BBOX1: variants seen among roughly 807,000 people sequenced by gnomAD.
The protein encoded by BBOX1 is gamma-butyrobetaine hydroxylase 1.
In BBOX1, 35 loss-of-function variants were observed where a neutral mutation model predicts 41.6. That is an observed-to-expected ratio of 0.84 (90% confidence interval 0.64 to 1.11). The LOEUF (loss-of-function observed/expected upper bound fraction) is 1.11. Among genes scored for constraint, BBOX1 ranks in the 50% most tolerant of loss-of-function variants. The pLI is 0.00. For synonymous variants in BBOX1, 163 were observed against 154.7 expected, an observed-to-expected ratio of 1.05 and a Z score of -0.40; for missense variants, 458 against 460.6, an observed-to-expected ratio of 0.99 and a Z score of 0.05.
At chr11:27,101,932 T>C (rs1478087414) in intron 5 of BBOX1, among the ~76,000 whole-genome samples, 2 of 152,098 alleles carry the variant, frequency 1.3e-5, no homozygotes, top group South Asian at 4.1e-4. Flanking sequence ...GTTCTTTAGG[T>C]CTCCAGTACT....
Position 27,041,469 on chromosome 11 carries a change from T to C in BBOX1, c.-48T>C, listed in dbSNP as rs981639866. 3.9e-5 allele frequency: 6 copies of C among 152,216 alleles called. No individual in the cohort carries two copies. Among genetic ancestry groups the C allele is most frequent in the Admixed American group, 3.9e-4 (6 of 15,280 alleles). 9.4% of individuals were successfully genotyped at this position (152,216 alleles called of 1,614,324 possible). On this transcript the variant is annotated 5_prime_UTR_variant, in exon 2 of 9. Transcript: ENST00000263182. ...GATCTAAGGACCAAAGCTGACAGTT[T>C]CTTTACTTGGTAAGTTTTGGGTGGT...
At chr11:27,044,045 T>C (rs1331627093) in intron 2 of BBOX1, among the ~76,000 whole-genome samples, 1 of 152,238 alleles carries the variant, frequency 6.6e-6, no homozygotes, top group Non-Finnish European at 1.5e-5. Context: ...TTTGAACTAC[T>C]TTATATTCCC....
chr11:27,065,171 G>C (rs1265003328), intron 4 of BBOX1, among the ~76,000 whole-genome samples: 1 of 152,124 alleles, frequency 6.6e-6, no homozygotes, highest in Non-Finnish European at 1.5e-5. Context: ...AGATGGAGGA[G>C]GTGGGTTAGA....
rs564575409 is a variant in BBOX1 at position 27,086,504 on chromosome 11, G to T, written c.335-6664G>T. Among the ~76,000 whole-genome samples the T allele has an allele frequency of 3.9e-4, 60 of 152,214 alleles. No homozygotes were observed. The South Asian group carries it at 0.012, about 30-fold the overall frequency. ...ACTGAATATTTGTTCAATAGCTGTT[G>T]AGACTCACTGCTCAGAAAGAGAAGA... On this transcript the variant is annotated intron_variant, in intron 4 of 8. Coordinates refer to ENST00000263182, the MANE Select transcript of BBOX1 (RefSeq NM_003986.3).
At chr11:27,097,712 G>GC (rs1179204995) in intron 5 of BBOX1, among the ~76,000 whole-genome samples, 3 of 152,088 alleles carry the variant, frequency 2.0e-5, no homozygotes, top group Non-Finnish European at 2.9e-5. Context: ...TATGCCAACA[G>GC]CAGTTCAAAG....
intron 6 of BBOX1, 137 bp downstream of exon 6, chr11:27,115,694 A>C: frequency 4.8e-5 from 30 of 618,594 alleles, no homozygotes; most frequent in East Asian, 1.3e-4. Flanking sequence ...ATCCAAGCTC[A>C]CAAAATCTCT....
chr11:27,097,843 C>T (rs1858497184), intron 5 of BBOX1, among the ~76,000 whole-genome samples: 1 of 151,998 alleles, frequency 6.6e-6, no homozygotes, highest in Middle Eastern at 3.2e-3. Flanking sequence ...TTTACACAGG[C>T]TACCGTTGTG....
In BBOX1 at chr11:27,055,190, T is replaced by C. The variant is rs1286735251; in HGVS notation, c.-38-203T>C. On this transcript the variant is annotated intron_variant, in intron 2 of 8. Coordinates refer to ENST00000263182, the MANE Select transcript of BBOX1 (RefSeq NM_003986.3). ...TCCTGACTCAGCACTTACATCCCATTTACTTTTAGTCACTGTGTTTCTGCT... is the reference window on the plus strand; with the variant it reads ...TCCTGACTCAGCACTTACATCCCATCTACTTTTAGTCACTGTGTTTCTGCT... 1.0e-4 allele frequency: 41 copies of C among 410,700 alleles called. No individual in the cohort carries two copies. In the East Asian group the frequency reaches 1.5e-3, roughly 15 times the overall value. 25.4% of individuals were successfully genotyped at this position (410,700 alleles called of 1,614,324 possible).
chr11:27,102,170 G>T (rs1430337266), intron 5 of BBOX1, among the ~76,000 whole-genome samples: 1 of 151,942 alleles, frequency 6.6e-6, no homozygotes, highest in African/African-American at 2.4e-5. Context: ...CTAAAAAATA[G>T]AAAAAGCAAA....
intron 2 of BBOX1, among the ~76,000 whole-genome samples, chr11:27,042,728 A>T (rs2133937025): frequency 6.6e-6 from 1 of 152,292 alleles, no homozygotes; most frequent in Non-Finnish European, 1.5e-5. Flanking sequence ...AACCAAGTTT[A>T]AAAATAATAA....
intron 4 of BBOX1, among the ~76,000 whole-genome samples, chr11:27,072,804 A>G (rs906748416): frequency 6.6e-6 from 1 of 152,194 alleles, no homozygotes; most frequent in Admixed American, 6.5e-5. Context: ...AAACCTGACA[A>G]AAATAAGAAA....
At chr11:27,108,758 G>GA (rs1484620283) in intron 5 of BBOX1, among the ~76,000 whole-genome samples, 6 of 151,936 alleles carry the variant, frequency 3.9e-5, no homozygotes, top group African/African-American at 1.4e-4. Context: ...TTTTAAATGA[G>GA]AAAAATAGAG....
At chr11:27,071,647 T>A (rs966182138) in intron 4 of BBOX1, among the ~76,000 whole-genome samples, 2 of 152,112 alleles carry the variant, frequency 1.3e-5, no homozygotes, top group African/African-American at 4.8e-5. Flanking sequence ...ATATCCCTGA[T>A]GAACATCGAT....
At chr11:27,086,449 A>C (rs1014963729) in intron 4 of BBOX1, among the ~76,000 whole-genome samples, 1 of 152,124 alleles carries the variant, frequency 6.6e-6, no homozygotes, top group African/African-American at 2.4e-5. Flanking sequence ...CAAAACCTGG[A>C]TGACCATACG....
intron 4 of BBOX1, among the ~76,000 whole-genome samples, chr11:27,059,982 T>C (rs1857092667): frequency 6.6e-6 from 1 of 152,180 alleles, no homozygotes; most frequent in African/African-American, 2.4e-5. Context: ...AATGCTAGAA[T>C]GAGTTAAGAC....
chr11:27,096,185 C>T (rs1398279674), intron 5 of BBOX1, among the ~76,000 whole-genome samples: 2 of 151,922 alleles, frequency 1.3e-5, no homozygotes, highest in Non-Finnish European at 2.9e-5. Flanking sequence ...CAATGATGTG[C>T]ACAAAATGGC....
At chr11:27,062,582 C>T (rs190776084) in intron 4 of BBOX1, among the ~76,000 whole-genome samples, 19 of 149,796 alleles carry the variant, frequency 1.3e-4, no homozygotes, top group Admixed American at 2.6e-4. Context: ...TTTTTTGAGA[C>T]GGAGTCTTCC....
chr11:27,098,443 C>T (rs978975878), intron 5 of BBOX1, among the ~76,000 whole-genome samples: 1 of 152,066 alleles, frequency 6.6e-6, no homozygotes, highest in Non-Finnish European at 1.5e-5. Context: ...AAACTCTTAA[C>T]ATAAAGTAAG....
intron 4 of BBOX1, among the ~76,000 whole-genome samples, chr11:27,085,748 T>C (rs552516781): frequency 4.7e-4 from 72 of 152,228 alleles, no homozygotes; most frequent in African/African-American, 1.6e-3. Flanking sequence ...GAGAAAGGCA[T>C]GAAAGCTGAG....
Sources: gnomAD v4.1 joint callset for allele counts (sites outside exome capture counted in the v4.1 genomes callset) on GRCh38, gnomAD v4.1.1 for gene constraint, MANE v1.5 for transcripts, NCBI Gene and HGNC (gene_info 2026-07-23, HGNC 2026-07-21) for gene names.